Variants in NIBAN1 observed in about 807,000 individuals in gnomAD.
NIBAN1 encodes niban apoptosis regulator 1.
NIBAN1 carries 81 observed loss-of-function variants against 75.1 expected under a neutral mutation model. That is an observed-to-expected ratio of 1.08 (90% CI 0.90 to 1.30). The LOEUF (loss-of-function observed/expected upper bound fraction) is 1.30. NIBAN1 is among the 50% of genes most tolerant of loss of function. NIBAN1 has a pLI of 0.00. For missense variants in NIBAN1, 1,133 were observed against 1,128.1 expected, an observed-to-expected ratio of 1.00 and a Z score of -0.06; for synonymous variants, 436 against 424.8, an observed-to-expected ratio of 1.03 and a Z score of -0.32.
At position 184,803,610 on chromosome 1, in the gene NIBAN1, T is replaced by G; in HGVS notation, c.1529A>C (p.Lys510Thr). 1 of 1,614,212 alleles carries G rather than the reference T, an allele frequency of 6.2e-7. No individual in the cohort carries two copies. The highest frequency in any genetic ancestry group is 1.3e-5 in the African/African-American group (1 of 75,072). ...TGGTTTGCATGTGGACGCCAGTGCCTTCTGCACAGTGGGAAGTGTGATTTG... is the reference window on the plus strand; with the variant it reads ...TGGTTTGCATGTGGACGCCAGTGCCGTCTGCACAGTGGGAAGTGTGATTTG... ...LVQITLPTVQ[K>T]ALASTCKPEL... is the part of the protein sequence containing the mutation. The change falls in exon 12 of 14, where the codon AAG (lysine) becomes ACG (threonine). Residue 510 changes from lysine (K) to threonine (T), a missense_variant. Physicochemically the swap from Lys to Thr is moderately conservative, Grantham distance 78. Coordinates refer to ENST00000367511, the MANE Select transcript of NIBAN1 (RefSeq NM_052966.4).
intron 5 of NIBAN1, 32 bp downstream of exon 5, chr1:184,884,601 G>A (rs201416824): frequency 1.2e-4 from 186 of 1,610,344 alleles, no homozygotes; most frequent in East Asian, 1.6e-4. Context: ...CCCACTTCCC[G>A]CCCCGGGGAT....
At chr1:184,876,802 T>A (rs1656246156) in intron 5 of NIBAN1, among the ~76,000 whole-genome samples, 1 of 152,202 alleles carries the variant, frequency 6.6e-6, no homozygotes, top group South Asian at 2.1e-4. Flanking sequence ...ACAGGCACGC[T>A]CTGCCAAATA....
intron 5 of NIBAN1, among the ~76,000 whole-genome samples, chr1:184,837,293 T>C (rs1448862795): frequency 6.6e-6 from 1 of 152,176 alleles, no homozygotes. Context: ...TAGAAACAAA[T>C]GGCAGCTATC....
At chr1:184,856,913 A>T (rs949291541) in intron 5 of NIBAN1, among the ~76,000 whole-genome samples, 2 of 152,196 alleles carry the variant, frequency 1.3e-5, no homozygotes, top group African/African-American at 4.8e-5. Context: ...GGATGTTTTC[A>T]TGGAACAGGG....
At chr1:184,944,359 T>C (rs911829153) in intron 1 of NIBAN1, among the ~76,000 whole-genome samples, 3 of 152,194 alleles carry the variant, frequency 2.0e-5, no homozygotes, top group African/African-American at 7.2e-5. Flanking sequence ...AGAAGCAGCA[T>C]TGGCATCTAA....
Position 184,974,432 on chromosome 1 carries a change from C to G in NIBAN1, c.-76G>C. The G allele has an allele frequency of 6.7e-7, 1 of 1,487,388 alleles. No individual in the cohort carries two copies. Among genetic ancestry groups the G allele is most frequent in the Non-Finnish European group, 9.0e-7 (1 of 1,115,542 alleles). 92.1% of individuals were successfully genotyped at this position (1,487,388 alleles called of 1,614,324 possible). A position where few individuals can be genotyped will look rare whatever the true frequency, so the allele number is the denominator to read the frequency against. On this transcript the variant is annotated 5_prime_UTR_variant, in exon 1 of 14. Coordinates refer to ENST00000367511, the MANE Select transcript of NIBAN1 (RefSeq NM_052966.4). ...TGCTAGCTCCTGGAGGTTGATCCGACGGCGAACCCGGCTCTGAAATTAAGA... is the reference window on the plus strand; with the variant it reads ...TGCTAGCTCCTGGAGGTTGATCCGAGGGCGAACCCGGCTCTGAAATTAAGA...
intron 10 of NIBAN1, 22 bp from the exon 11 acceptor site, chr1:184,806,078 G>A: frequency 1.9e-6 from 3 of 1,596,534 alleles, no homozygotes; most frequent in Non-Finnish European, 2.6e-6. Context: ...AAGCGACACA[G>A]AAACAGACAA....
intron 1 of NIBAN1, among the ~76,000 whole-genome samples, chr1:184,925,783 AT>A (rs1311993614): frequency 6.6e-6 from 1 of 151,880 alleles, no homozygotes; most frequent in Non-Finnish European, 1.5e-5. Flanking sequence ...AGCTTATTGT[AT>A]TGTCTATGTG....
chr1:184,816,853 A>AG, intron 9 of NIBAN1, among the ~76,000 whole-genome samples: 1 of 151,276 alleles, frequency 6.6e-6, no homozygotes, highest in South Asian at 2.1e-4. Context: ...AATGACCAAA[A>AG]GGGGGGAATT....
At chr1:184,881,287 G>A (rs979807553) in intron 5 of NIBAN1, among the ~76,000 whole-genome samples, 1 of 152,086 alleles carries the variant, frequency 6.6e-6, no homozygotes, top group African/African-American at 2.4e-5. Context: ...CCTTCATCAG[G>A]GTTAAATAGG....
chr1:184,844,439 G>T (rs1655381681), intron 5 of NIBAN1, among the ~76,000 whole-genome samples: 1 of 152,172 alleles, frequency 6.6e-6, no homozygotes. Context: ...CCTTGAACTT[G>T]TCAGAGGCTT....
intron 1 of NIBAN1, among the ~76,000 whole-genome samples, chr1:184,965,298 CAAA>C (rs569915154): frequency 7.4e-6 from 1 of 134,242 alleles, no homozygotes. Context: ...GACTCCATCT[CAAA>C]AAAAAAAAAG....
At chr1:184,816,105 T>C (rs1171823936) in intron 9 of NIBAN1, among the ~76,000 whole-genome samples, 2 of 152,230 alleles carry the variant, frequency 1.3e-5, no homozygotes, top group Non-Finnish European at 2.9e-5. Flanking sequence ...AAAAGACCAC[T>C]TAGTCAAGCG....
intron 1 of NIBAN1, among the ~76,000 whole-genome samples, chr1:184,964,720 G>C (rs1397597188): frequency 1.3e-5 from 2 of 152,208 alleles, no homozygotes; most frequent in Non-Finnish European, 1.5e-5. Flanking sequence ...GGAGAGGAAA[G>C]AGAGGTCTGT....
At chr1:184,914,721 CTTT>C (rs35169090) in intron 1 of NIBAN1, among the ~76,000 whole-genome samples, 19 of 126,356 alleles carry the variant, frequency 1.5e-4, no homozygotes, top group East Asian at 2.2e-4. Context: ...AGTTAACTTT[CTTT>C]TTTTTTTTTT....
chr1:184,890,285 A>G, intron 3 of NIBAN1, 63 bp from the exon 4 acceptor site: 1 of 1,141,308 alleles, frequency 8.8e-7, no homozygotes. Context: ...GGAAAATATC[A>G]GGGATATAAC....
chr1:184,901,755 G>A (rs1656961851), intron 1 of NIBAN1, among the ~76,000 whole-genome samples: 1 of 152,162 alleles, frequency 6.6e-6, no homozygotes, highest in Non-Finnish European at 1.5e-5. Flanking sequence ...GGGACGCCCT[G>A]CTTCTGGTGA....
intron 2 of NIBAN1, among the ~76,000 whole-genome samples, chr1:184,897,619 C>T (rs1482784226): frequency 6.6e-6 from 1 of 152,114 alleles, no homozygotes; most frequent in African/African-American, 2.4e-5. Flanking sequence ...CTGCTGAGCT[C>T]CAAATGAAAA....
At chr1:184,811,471 A>C (rs1654372531) in intron 9 of NIBAN1, among the ~76,000 whole-genome samples, 1 of 151,044 alleles carries the variant, frequency 6.6e-6, no homozygotes, top group South Asian at 2.1e-4. Flanking sequence ...ATGTTCCGAA[A>C]GAACAACAAT....
Sources: gnomAD v4.1 joint callset for allele counts (sites outside exome capture counted in the v4.1 genomes callset) on GRCh38, gnomAD v4.1.1 for gene constraint, MANE v1.5 for transcripts, NCBI Gene and HGNC (gene_info 2026-07-23, HGNC 2026-07-21) for gene names.